COL28A1: variants seen among roughly 807,000 people sequenced by gnomAD.
The protein encoded by COL28A1 is collagen type XXVIII alpha 1 chain.
COL28A1 carries 161 observed loss-of-function variants against 150.2 expected under a neutral mutation model. The ratio of observed to expected loss-of-function variants is 1.07; its 90% CI spans 0.94 to 1.22. The LOEUF is 1.22. Ranked by LOEUF, COL28A1 falls within the 50% of genes most tolerant of loss-of-function variation. COL28A1 has a pLI of 0.00. For missense variants in COL28A1, 1,617 were observed against 1,388.3 expected (o/e 1.16, Z -2.62); for synonymous variants, 552 against 469.7 (o/e 1.18, Z -2.26).
At chr7:7,386,226 T>A (rs1254228087) in intron 27 of COL28A1, among the ~76,000 whole-genome samples, 1 of 152,224 alleles carries the variant, frequency 6.6e-6, no homozygotes, top group Non-Finnish European at 1.5e-5. Context: ...TATTTGTGCA[T>A]TACTGATACG....
At chr7:7,353,909 G>A (rs1780286129), downstream of COL28A1, among the ~76,000 whole-genome samples, 1 of 152,000 alleles carries the variant, frequency 6.6e-6, no homozygotes, top group Admixed American at 6.6e-5. Context: ...GGGCATCCAG[G>A]AAATGAGAAA....
chr7:7,397,831 C>T (rs115043226), intron 27 of COL28A1, among the ~76,000 whole-genome samples: 14 of 152,198 alleles, frequency 9.2e-5, no homozygotes, highest in African/African-American at 2.4e-4. Flanking sequence ...ACCAGCCAAA[C>T]AGAGCACCTA....
chr7:7,460,713 C>T (rs181784480), intron 15 of COL28A1, among the ~76,000 whole-genome samples: 5 of 152,312 alleles, frequency 3.3e-5, no homozygotes, highest in African/African-American at 1.2e-4. Flanking sequence ...GTTTTCTTTA[C>T]TAAGAAGAAA....
intron 18 of COL28A1, among the ~76,000 whole-genome samples, chr7:7,452,089 C>T (rs73674561): frequency 8.9e-4 from 135 of 152,272 alleles, no homozygotes; most frequent in African/African-American, 3.2e-3. Context: ...CAAAGTGCCA[C>T]CCTAGTGGAG....
intron 25 of COL28A1, among the ~76,000 whole-genome samples, chr7:7,429,202 C>G (rs1784803089): frequency 6.6e-6 from 1 of 152,042 alleles, no homozygotes; most frequent in Non-Finnish European, 1.5e-5. Context: ...ATCCATATGG[C>G]TCTACTACCA....
At chr7:7,349,415 G>A in the COL28A1 span, among the ~76,000 whole-genome samples, 1 of 152,032 alleles carries the variant, frequency 6.6e-6, no homozygotes, top group Non-Finnish European at 1.5e-5. Context: ...TACTGGCTTT[G>A]GGTAGTTTCC....
intron 27 of COL28A1, 50 bp downstream of exon 27, chr7:7,417,809 A>G: frequency 6.7e-7 from 1 of 1,495,784 alleles, no homozygotes; most frequent in Non-Finnish European, 9.3e-7. Flanking sequence ...TCTTCTCCCA[A>G]TCACTCTGGT....
intron 33 of COL28A1, among the ~76,000 whole-genome samples, chr7:7,362,644 T>C (rs548443078): frequency 6.6e-6 from 1 of 152,316 alleles, no homozygotes; most frequent in East Asian, 1.9e-4. Context: ...ATTAGCCCTA[T>C]ATAAAGGGCA....
At chr7:7,540,020 T>A (rs1276934277), upstream of COL28A1, among the ~76,000 whole-genome samples, 1 of 152,096 alleles carries the variant, frequency 6.6e-6, no homozygotes, top group Non-Finnish European at 1.5e-5. Flanking sequence ...TAATATTTCT[T>A]CTTTCCATGT....
chr7:7,367,305 T>C (rs1055839801), intron 33 of COL28A1, among the ~76,000 whole-genome samples: 13 of 152,212 alleles, frequency 8.5e-5, no homozygotes, highest in African/African-American at 2.9e-4. Context: ...TCAGAAAGTG[T>C]CCCTGTCATT....
intron 25 of COL28A1, among the ~76,000 whole-genome samples, chr7:7,428,672 A>G (rs992584264): frequency 1.3e-5 from 2 of 152,212 alleles, no homozygotes; most frequent in Non-Finnish European, 2.9e-5. Context: ...CCCATCAACG[A>G]GCCAGGAGAT....
intron 3 of COL28A1, among the ~76,000 whole-genome samples, chr7:7,525,897 T>C (rs1374407389): frequency 6.6e-6 from 1 of 152,198 alleles, no homozygotes; most frequent in Non-Finnish European, 1.5e-5. Flanking sequence ...TCAGGAGCTA[T>C]AAAACCCTAG....
At chr7:7,462,767 G>A (rs775053602) in intron 15 of COL28A1, among the ~76,000 whole-genome samples, 7 of 151,696 alleles carry the variant, frequency 4.6e-5, no homozygotes, top group Non-Finnish European at 7.4e-5. Flanking sequence ...GCTGTGGCAG[G>A]ATAATCACTT....
At chr7:7,394,994 G>GA (rs1426052661) in intron 27 of COL28A1, among the ~76,000 whole-genome samples, 1 of 152,078 alleles carries the variant, frequency 6.6e-6, no homozygotes, top group Non-Finnish European at 1.5e-5. Flanking sequence ...GAAGTTGAGA[G>GA]AAAAAAACAG....
rs118012352 is a variant in COL28A1, at chr7:7,379,306, G to A, written c.2322+1354C>T. On this transcript the variant is annotated intron_variant, in intron 30 of 34. Coordinates refer to ENST00000399429, the MANE Select transcript of COL28A1 (RefSeq NM_001037763.3). Reference sequence around the variant, plus strand: ...AATTCTCTTTTCCTTCACTCTTCTCGTCTTGCTAGTCTCTTCTTCCAGAAT... The same window carrying A: ...AATTCTCTTTTCCTTCACTCTTCTCATCTTGCTAGTCTCTTCTTCCAGAAT... Among the ~76,000 whole-genome samples, 103 of 152,058 alleles carry A rather than the reference G, an allele frequency of 6.8e-4. 3 individuals are homozygous for A. The East Asian group carries it at 0.015, about 22-fold the overall frequency.
intron 25 of COL28A1, among the ~76,000 whole-genome samples, chr7:7,422,758 G>A (rs1299351631): frequency 2.6e-5 from 4 of 152,000 alleles, no homozygotes; most frequent in South Asian, 2.1e-4. Context: ...ATGTAAACAC[G>A]TCTCTTGACC....
chr7:7,391,558 T>G (rs1201424414), intron 27 of COL28A1, among the ~76,000 whole-genome samples: 1 of 152,136 alleles, frequency 6.6e-6, no homozygotes, highest in Non-Finnish European at 1.5e-5. Context: ...CGTTAATCTG[T>G]GTAATATTGA....
chr7:7,340,214 C>G, the COL28A1 span, among the ~76,000 whole-genome samples: 1 of 151,918 alleles, frequency 6.6e-6, no homozygotes, highest in Non-Finnish European at 1.5e-5. Context: ...CTACCATGCC[C>G]GGCCCATTAT....
At chr7:7,357,093 A>T (rs190671072), downstream of COL28A1, 4 of 152,342 alleles carry the variant, frequency 2.6e-5, no homozygotes, top group East Asian at 7.8e-4. Flanking sequence ...TGTGTCACCC[A>T]GGCTGGAGTG....
Sources: gnomAD v4.1 joint callset for allele counts (sites outside exome capture counted in the v4.1 genomes callset) on GRCh38, gnomAD v4.1.1 for gene constraint, MANE v1.5 for transcripts, NCBI Gene and HGNC (gene_info 2026-07-23, HGNC 2026-07-21) for gene names.